FOSL2: variants seen among roughly 807,000 people sequenced by gnomAD.
FOSL2 encodes fos-related antigen 2.
Under a neutral mutation model 27.7 loss-of-function variants are expected in FOSL2, and 3 were observed. The ratio of observed to expected loss-of-function variants is 0.11; its 90% CI spans 0.05 to 0.28. FOSL2 has a LOEUF of 0.28. Ranked by LOEUF, FOSL2 falls within the 10% of genes least tolerant of loss-of-function variation. The probability of loss-of-function intolerance (pLI) is 1.00; values close to 1 mark genes in which losing one functional copy is unlikely to be tolerated. For missense variants in FOSL2, 333 were observed against 445.1 expected (o/e 0.75, Z 2.27); for synonymous variants, 179 against 190.1 (o/e 0.94, Z 0.48).
rs752461537 is a variant in FOSL2 at position 28,416,978 on chromosome 2, G to A, written c.*4530G>A. On this transcript the variant is annotated 3_prime_UTR_variant, in exon 4 of 4. Coordinates refer to ENST00000264716, the MANE Select transcript of FOSL2 (RefSeq NM_005253.4). ...TTTTTTTTTTTTTTTTTTAAGTAAT[G>A]GTGAAATGGTCCCATTGGAGAGTCT... 2.8e-5 allele frequency: 4 copies of A among 143,346 alleles called. No homozygotes were observed. Among genetic ancestry groups the A allele is most frequent in the Non-Finnish European group, 6.0e-5 (4 of 66,356 alleles). The allele number at this position is 143,346 out of a possible 1,614,324, so 8.9% of individuals were successfully genotyped here. A position where few individuals can be genotyped will look rare whatever the true frequency, so the allele number is the denominator to read the frequency against.
chr2:28,412,484 C>T lies in FOSL2; in HGVS notation c.*36C>T. ...CTCCCTCCCCAGCTCCGGAGGGGGT[C>T]CTCCTCGCTCCTCCTTCCCAGGGAC... is the stretch of plus-strand genomic sequence containing the variant. On this transcript the variant is annotated 3_prime_UTR_variant, in exon 4 of 4. Coordinates refer to ENST00000264716, the MANE Select transcript of FOSL2 (RefSeq NM_005253.4). This position sits in a 1 kb window ranked among gnomAD's most constrained non-coding sequence, Gnocchi z 7.1. 1.3e-6 allele frequency: 2 copies of T among 1,573,698 alleles called. No individual in the cohort carries two copies. The highest frequency in any genetic ancestry group is 1.7e-6 in the Non-Finnish European group (2 of 1,163,774).
At chr2:28,405,876 T>C (rs1389852029) in intron 2 of FOSL2, among the ~76,000 whole-genome samples, 2 of 152,132 alleles carry the variant, frequency 1.3e-5, no homozygotes, top group African/African-American at 4.8e-5. Context: ...TAAGGACTTT[T>C]ATAAATAGGC....
chr2:28,397,965 G>A (rs1191129230), intron 1 of FOSL2, among the ~76,000 whole-genome samples: 3 of 152,198 alleles, frequency 2.0e-5, no homozygotes, highest in Non-Finnish European at 4.4e-5. Flanking sequence ...GCCAAAGTAG[G>A]GTGTGACCCT....
intron 2 of FOSL2, among the ~76,000 whole-genome samples, chr2:28,406,298 G>A (rs1321014441): frequency 7.9e-5 from 12 of 152,184 alleles, no homozygotes; most frequent in East Asian, 5.8e-4. Context: ...CTGACCTCAG[G>A]TGATCCACCC....
At chr2:28,398,628 C>T (rs1663909634) in intron 1 of FOSL2, among the ~76,000 whole-genome samples, 1 of 152,240 alleles carries the variant, frequency 6.6e-6, no homozygotes, top group Non-Finnish European at 1.5e-5. Context: ...CTTCTCTTCC[C>T]CCTGGCAGGC....
rs1164160534 is a variant in FOSL2, at chr2:28,412,098, A to G, written c.631A>G (p.Ser211Gly). 2.5e-6 allele frequency: 4 copies of G among 1,605,500 alleles called. No individual in the cohort carries two copies. The highest frequency in any genetic ancestry group is 3.4e-6 in the Non-Finnish European group (4 of 1,179,458). ...PPAPGLQPMR[S>G]GGGSVGAVVV... is the part of the protein sequence containing the mutation. ...AGCCCCTGGGCTGCAGCCCATGCGC[A>G]GTGGGGGTGGCTCGGTGGGCGCTGT... Residue 211 changes from serine to glycine, a missense_variant, in exon 4 of 4, where the codon AGT becomes GGT. This residue lies in a region of FOSL2 where 136 missense variants were observed against 123.7 expected (regional missense o/e 1.10). Coordinates refer to ENST00000264716, the MANE Select transcript of FOSL2 (RefSeq NM_005253.4). This position sits in a 1 kb window ranked among gnomAD's most constrained non-coding sequence, Gnocchi z 7.1.
intron 3 of FOSL2, among the ~76,000 whole-genome samples, chr2:28,410,246 A>G (rs1344144894): frequency 6.6e-6 from 1 of 152,144 alleles, no homozygotes; most frequent in African/African-American, 2.4e-5. Context: ...TCCACAATCC[A>G]CTTCCTCAGC....
In FOSL2 at chr2:28,393,869, C is replaced by A. The variant is rs1303948435; in HGVS notation, c.102+47C>A. ...CCTGGCGGCGCGGGCGGACCCCTGC[C>A]CTCTTCTCGCCGCCACTGCCTCTTT... On this transcript the variant is annotated intron_variant, in intron 1 of 3. Coordinates refer to ENST00000264716, the MANE Select transcript of FOSL2 (RefSeq NM_005253.4). The surrounding 1 kb of genome is among the most constrained non-coding windows in gnomAD (Gnocchi z 4.6). 2.4e-6 allele frequency: 3 copies of A among 1,251,850 alleles called. No homozygotes were observed. In the East Asian group the frequency reaches 8.0e-5, roughly 33 times the overall value. 77.5% of individuals were successfully genotyped at this position (1,251,850 alleles called of 1,614,324 possible).
At position 28,396,160 on chromosome 2, in the gene FOSL2, G is replaced by A. The variant is rs371722577; in HGVS notation, c.102+2338G>A. On this transcript the variant is annotated intron_variant, in intron 1 of 3. Coordinates refer to ENST00000264716, the MANE Select transcript of FOSL2 (RefSeq NM_005253.4). ...GGGGAAGTGAATTTTATTTTTTTCA[G>A]CTCTCTCTTTTGGGGGTCCAATATT... 1.4e-4 allele frequency among the ~76,000 whole-genome samples: 22 copies of A among 151,966 alleles called. 1 individual carries two copies. Among genetic ancestry groups the A allele is most frequent in the Admixed American group, 1.1e-3 (17 of 15,266 alleles).
Position 28,408,990 on chromosome 2 carries a change from A to G in FOSL2, c.462+124A>G. The G allele has an allele frequency of 1.7e-6, 1 of 582,260 alleles. No individual in the cohort carries two copies. Among genetic ancestry groups the G allele is most frequent in the Non-Finnish European group, 3.0e-6 (1 of 335,268 alleles). The allele number at this position is 582,260 out of a possible 1,614,324, so 36.1% of individuals were successfully genotyped here. On this transcript the variant is annotated intron_variant, in intron 3 of 3. Transcript: ENST00000264716. The surrounding 1 kb of genome is among the most constrained non-coding windows in gnomAD (Gnocchi z 4.1). ...AAATGCCCTACAGATGAGTCAGTGG[A>G]GATAGAGCTTTCCTTCCTTTGGACA...
Position 28,393,423 on chromosome 2 carries a change from A to C in FOSL2, c.-298A>C. ...CGCGCGGGGGCGGGAGGGCGCGCGC[A>C]GGGGAGGGACCGAGAGACGCGCCGA... is the stretch of plus-strand genomic sequence containing the variant. On this transcript the variant is annotated 5_prime_UTR_variant, in exon 1 of 4. Coordinates refer to ENST00000264716, the MANE Select transcript of FOSL2 (RefSeq NM_005253.4). This position sits in a 1 kb window ranked among gnomAD's most constrained non-coding sequence, Gnocchi z 4.6. 5.8e-6 allele frequency: 2 copies of C among 344,052 alleles called. No homozygotes were observed. 21.3% of individuals were successfully genotyped at this position (344,052 alleles called of 1,614,324 possible). A position where few individuals can be genotyped will look rare whatever the true frequency, so the allele number is the denominator to read the frequency against.
rs1316367414 is a variant in FOSL2, at chr2:28,412,925, G to A, written c.*477G>A. 1.8e-5 allele frequency: 3 copies of A among 163,894 alleles called. No individual in the cohort carries two copies. Among genetic ancestry groups the A allele is most frequent in the Non-Finnish European group, 4.0e-5 (3 of 75,554 alleles). 10.2% of individuals were successfully genotyped at this position (163,894 alleles called of 1,614,324 possible). A position where few individuals can be genotyped will look rare whatever the true frequency, so the allele number is the denominator to read the frequency against. On this transcript the variant is annotated 3_prime_UTR_variant, in exon 4 of 4. Transcript: ENST00000264716. The surrounding 1 kb of genome is among the most constrained non-coding windows in gnomAD (Gnocchi z 7.1). ...TCTTGGTTTTTATCAAATTTGCCAT[G>A]ACATTTCATCTGGGTGGTCTGAATA...
At chr2:28,399,401 G>T (rs1284298838) in intron 1 of FOSL2, among the ~76,000 whole-genome samples, 4 of 152,218 alleles carry the variant, frequency 2.6e-5, no homozygotes, top group African/African-American at 9.6e-5. Context: ...TCAGGAGGCA[G>T]TTTTCCCAAA....
At position 28,404,294 on chromosome 2, in the gene FOSL2, T is replaced by C; in HGVS notation, c.290T>C (p.Leu97Pro). The change falls in exon 2 of 4, where the codon CTC (leucine) becomes CCC (proline). Residue 97 changes from leucine (L) to proline (P), a missense_variant. Leu to Pro is a moderately conservative substitution (Grantham distance 98). This residue lies in a region of FOSL2 where 131 missense variants were observed against 157.9 expected (regional missense o/e 0.83). Transcript: ENST00000264716. This position sits in a 1 kb window ranked among gnomAD's most constrained non-coding sequence, Gnocchi z 4.7. ...GCCTCTGTCCCTGGACACATGGCCC[T>C]CCCAAGACCTGGCGTGATCAAGACC... ...GLASVPGHMALPRPGVIKTIG... is the reference protein window; with the variant it reads ...GLASVPGHMAPPRPGVIKTIG... 1 of 1,614,046 alleles carries C rather than the reference T, an allele frequency of 6.2e-7. No individual in the cohort carries two copies.
chr2:28,402,659 G>T (rs1480105034), intron 1 of FOSL2, among the ~76,000 whole-genome samples: 2 of 152,202 alleles, frequency 1.3e-5, no homozygotes, highest in Non-Finnish European at 1.5e-5. Context: ...GAGAGGGGAG[G>T]TCTATAGGGG....
At chr2:28,410,297 AG>A (rs1331524190) in intron 3 of FOSL2, among the ~76,000 whole-genome samples, 2 of 152,030 alleles carry the variant, frequency 1.3e-5, no homozygotes, top group Non-Finnish European at 2.9e-5. Flanking sequence ...TGGCACTTCA[AG>A]GAGCTGTGCC....
intron 1 of FOSL2, among the ~76,000 whole-genome samples, chr2:28,401,574 C>CCAGCAG (rs1347617591): frequency 6.6e-6 from 1 of 152,226 alleles, no homozygotes; most frequent in Non-Finnish European, 1.5e-5. Flanking sequence ...CCCCTCCCAT[C>CCAGCAG]CAGCAGCTCA....
intron 1 of FOSL2, among the ~76,000 whole-genome samples, chr2:28,398,148 CAAAG>C (rs1663895747): frequency 6.6e-6 from 1 of 152,076 alleles, no homozygotes; most frequent in African/African-American, 2.4e-5. Flanking sequence ...TTTGTTGAAA[CAAAG>C]AAAAAAATAG....
At position 28,415,973 on chromosome 2, in the gene FOSL2, C is replaced by G. The variant is rs975064966; in HGVS notation, c.*3525C>G. On this transcript the variant is annotated 3_prime_UTR_variant, in exon 4 of 4. Coordinates refer to ENST00000264716, the MANE Select transcript of FOSL2 (RefSeq NM_005253.4). Reference sequence around the variant, plus strand: ...CTCCTCAGATGGTCAGAGGGGTAACCCAAGTCCTTAGAGAATTTGGGGACC... The same window carrying G: ...CTCCTCAGATGGTCAGAGGGGTAACGCAAGTCCTTAGAGAATTTGGGGACC... 2.0e-5 allele frequency: 3 copies of G among 152,152 alleles called. No homozygotes were observed. Among genetic ancestry groups the G allele is most frequent in the Non-Finnish European group, 4.4e-5 (3 of 68,032 alleles). 9.4% of individuals were successfully genotyped at this position (152,152 alleles called of 1,614,324 possible).
Sources: allele counts gnomAD v4.1 joint callset (sites outside exome capture counted in the v4.1 genomes callset), GRCh38; gene constraint gnomAD v4.1.1; regional missense constraint gnomAD v4.1.1; non-coding constraint Gnocchi (gnomAD v3.1); transcripts MANE v1.5; gene names NCBI Gene and HGNC (gene_info 2026-07-23, HGNC 2026-07-21).